SH3PXD2A: variants seen among roughly 807,000 people sequenced by gnomAD.
SH3PXD2A encodes the protein SH3 and PX domains 2A.
Under a neutral mutation model 115.2 loss-of-function variants are expected in SH3PXD2A, and 32 were observed. The observed-to-expected ratio is 0.28, with a 90% CI of 0.21 to 0.37. The LOEUF (loss-of-function observed/expected upper bound fraction) is 0.37. Among genes scored for constraint, SH3PXD2A ranks in the 10% least tolerant of loss-of-function variants. The pLI is 1.00. For synonymous variants in SH3PXD2A, 610 were observed against 629.1 expected (o/e 0.97, Z 0.45); for missense variants, 1,328 against 1,498.7 (o/e 0.89, Z 1.88).
At chr10:103,798,542 C>T (rs1408681714) in intron 2 of SH3PXD2A, among the ~76,000 whole-genome samples, 2 of 152,244 alleles carry the variant, frequency 1.3e-5, no homozygotes, top group Non-Finnish European at 2.9e-5. Context: ...TATGTATCCA[C>T]TCTTTTCCTG....
In SH3PXD2A at chr10:103,680,228, C is replaced by G. The variant is rs554915841; in HGVS notation, c.428-11576G>C. Among the ~76,000 whole-genome samples the G allele has an allele frequency of 5.3e-5, 8 of 152,190 alleles. 1 individual carries two copies. In the South Asian group the frequency reaches 1.5e-3, roughly 28 times the overall value. On this transcript the variant is annotated intron_variant, in intron 6 of 14. Coordinates refer to ENST00000369774, the MANE Select transcript of SH3PXD2A (RefSeq NM_001394015.1). ...TCCTGACCTCAAGTAATCCGCCCAACTCGGCCTCCCAAAGTGCTGGGATTA... is the reference window on the plus strand; with the variant it reads ...TCCTGACCTCAAGTAATCCGCCCAAGTCGGCCTCCCAAAGTGCTGGGATTA...
chr10:103,739,509 T>C (rs987870532), intron 3 of SH3PXD2A, among the ~76,000 whole-genome samples: 2 of 152,124 alleles, frequency 1.3e-5, no homozygotes, highest in African/African-American at 4.8e-5. Context: ...TTGACTTCTC[T>C]GTTAGGAATC....
At chr10:103,684,365 C>CT (rs143312364) in intron 6 of SH3PXD2A, among the ~76,000 whole-genome samples, 54,147 of 147,704 alleles carry the variant, frequency 0.37, 10,168 homozygotes, top group South Asian at 0.52. Context: ...TAGACTAACC[C>CT]TTTTTTTTTT....
chr10:103,617,051 G>A (rs548800387), intron 11 of SH3PXD2A, 146 bp downstream of exon 11: 8 of 671,900 alleles, frequency 1.2e-5, no homozygotes, highest in African/African-American at 3.6e-5. Context: ...CTATTCAGCT[G>A]TGCAGAGGTG....
At chr10:103,684,651 A>G (rs972909208) in intron 6 of SH3PXD2A, among the ~76,000 whole-genome samples, 4 of 152,092 alleles carry the variant, frequency 2.6e-5, no homozygotes. Context: ...ACGCCCGGCC[A>G]TAGACTAACC....
At chr10:103,828,078 C>G (rs2039447772) in intron 1 of SH3PXD2A, among the ~76,000 whole-genome samples, 1 of 152,208 alleles carries the variant, frequency 6.6e-6, no homozygotes, top group African/African-American at 2.4e-5. Flanking sequence ...GGCACTGGCA[C>G]ATCTTTTGGG....
chr10:103,802,827 A>T (rs1294475463), intron 1 of SH3PXD2A, among the ~76,000 whole-genome samples: 17 of 152,174 alleles, frequency 1.1e-4, no homozygotes, highest in Non-Finnish European at 1.5e-5. Context: ...CAGGCTTCAT[A>T]AAAATTCAGA....
At chr10:103,660,922 C>A in intron 8 of SH3PXD2A, 61 bp downstream of exon 8, 3 of 1,589,908 alleles carry the variant, frequency 1.9e-6, no homozygotes, top group South Asian at 2.2e-5. Flanking sequence ...GGAACAAAAA[C>A]CAGCTCGGCC....
chr10:103,612,753 C>T (rs568478816), intron 12 of SH3PXD2A, 100 bp downstream of exon 12: 137 of 750,998 alleles, frequency 1.8e-4, no homozygotes, highest in South Asian at 2.6e-4. Context: ...AGGAGGAAAA[C>T]GCCATGGGGG....
chr10:103,619,068 C>T (rs1386993034), intron 10 of SH3PXD2A, among the ~76,000 whole-genome samples: 1 of 152,186 alleles, frequency 6.6e-6, no homozygotes, highest in East Asian at 1.9e-4. Context: ...CCCATGGGAG[C>T]CTGCAGGATT....
At chr10:103,729,243 C>A (rs2038285000) in intron 4 of SH3PXD2A, among the ~76,000 whole-genome samples, 1 of 152,188 alleles carries the variant, frequency 6.6e-6, no homozygotes, top group African/African-American at 2.4e-5. Context: ...AGAGCCTATG[C>A]CCTGATCCAC....
chr10:103,636,161 C>G (rs2036860702), intron 8 of SH3PXD2A, among the ~76,000 whole-genome samples: 1 of 152,102 alleles, frequency 6.6e-6, no homozygotes, highest in Non-Finnish European at 1.5e-5. Context: ...GTAATCCCAG[C>G]ACTTTGGGAG....
rs1235382847 is a variant in SH3PXD2A at position 103,644,548 on chromosome 10, T to G, written c.604+16435A>C. 2.7e-5 allele frequency among the ~76,000 whole-genome samples: 4 copies of G among 146,502 alleles called. No homozygotes were observed. The East Asian group carries it at 6.1e-4, about 22-fold the overall frequency. On this transcript the variant is annotated intron_variant, in intron 8 of 14. Coordinates refer to ENST00000369774, the MANE Select transcript of SH3PXD2A (RefSeq NM_001394015.1). Reference sequence around the variant, plus strand: ...CTGCAATGAGCCGTGATCATGCCACTGTACTCTAGCCTGGGCGACAGAGTG... The same window carrying G: ...CTGCAATGAGCCGTGATCATGCCACGGTACTCTAGCCTGGGCGACAGAGTG...
intron 1 of SH3PXD2A, 44 bp downstream of exon 1, chr10:103,855,151 G>A (rs1290824826): frequency 2.1e-6 from 3 of 1,442,340 alleles, no homozygotes; most frequent in Admixed American, 2.3e-5. Flanking sequence ...GCCCTCCCGG[G>A]ACCTCGGGCC....
At chr10:103,688,693 G>A (rs1165558834) in intron 6 of SH3PXD2A, among the ~76,000 whole-genome samples, 1 of 152,134 alleles carries the variant, frequency 6.6e-6, no homozygotes, top group Admixed American at 6.5e-5. Flanking sequence ...TGATGGGCGG[G>A]GACAAGAGGG....
intron 5 of SH3PXD2A, among the ~76,000 whole-genome samples, chr10:103,718,007 TC>T (rs2038127424): frequency 2.3e-5 from 1 of 44,026 alleles, no homozygotes; most frequent in Non-Finnish European, 3.8e-5. Context: ...CTTCCATGTG[TC>T]TTTTTTTTTT....
intron 14 of SH3PXD2A, among the ~76,000 whole-genome samples, chr10:103,604,525 G>T (rs1465906849): frequency 1.3e-5 from 2 of 152,180 alleles, no homozygotes; most frequent in East Asian, 1.9e-4. Flanking sequence ...GGGTCCATTT[G>T]GACTGGGGAA....
intron 1 of SH3PXD2A, among the ~76,000 whole-genome samples, chr10:103,851,052 T>G (rs1842892174): frequency 7.0e-6 from 1 of 141,904 alleles, no homozygotes; most frequent in Admixed American, 7.1e-5. Flanking sequence ...AACACCATAC[T>G]CATTCCATAA....
intron 4 of SH3PXD2A, among the ~76,000 whole-genome samples, chr10:103,731,188 T>C (rs1589433288): frequency 2.7e-5 from 4 of 147,612 alleles, no homozygotes. Context: ...TGAAACAGGG[T>C]CTCACTGTGT....
Sources: gnomAD v4.1 joint callset for allele counts (sites outside exome capture counted in the v4.1 genomes callset) on GRCh38, gnomAD v4.1.1 for gene constraint, MANE v1.5 for transcripts, NCBI Gene and HGNC (gene_info 2026-07-23, HGNC 2026-07-21) for gene names.